PKDCC: variants seen among roughly 807,000 people sequenced by gnomAD.
The protein encoded by PKDCC is extracellular tyrosine-protein kinase PKDCC.
Under a neutral mutation model 44.7 loss-of-function variants are expected in PKDCC, and 35 were observed. The observed-to-expected ratio is 0.78, with a 90% CI of 0.60 to 1.04. The LOEUF is 1.04. Ranked by LOEUF, PKDCC falls within the 50% of genes least tolerant of loss-of-function variation. The pLI is 0.00. For synonymous variants in PKDCC, 353 were observed against 303.3 expected, an observed-to-expected ratio of 1.16 and a Z score of -1.70; for missense variants, 738 against 672.7, an observed-to-expected ratio of 1.10 and a Z score of -1.07.
Position 42,051,167 on chromosome 2 carries a change from G to T in PKDCC, c.640-2072G>T, listed in dbSNP as rs911765028. Among the ~76,000 whole-genome samples the T allele has an allele frequency of 6.6e-6, 1 of 152,046 alleles. No individual in the cohort carries two copies. The highest frequency in any genetic ancestry group is 1.5e-5 in the Non-Finnish European group (1 of 68,010). On this transcript the variant is annotated intron_variant, in intron 1 of 6. Coordinates refer to ENST00000294964, the MANE Select transcript of PKDCC (RefSeq NM_138370.3). This position sits in a 1 kb window ranked among gnomAD's most constrained non-coding sequence, Gnocchi z 4.2. ...CAGGCCCCATTCTGCACCTCCCAGG[G>T]CTTTCTCTGGTCATGGGGATTGCCT...
intron 1 of PKDCC, among the ~76,000 whole-genome samples, chr2:42,049,158 G>C (rs1445234663): frequency 6.6e-6 from 1 of 152,172 alleles, no homozygotes; most frequent in Admixed American, 6.5e-5. Context: ...GGAGTTAGGA[G>C]GTTGAACACC....
Position 42,058,458 on chromosome 2 carries a change from T to A in PKDCC, c.*770T>A, listed in dbSNP as rs1250787790. 6.6e-6 allele frequency: 1 copy of A among 152,462 alleles called. No individual in the cohort carries two copies. The highest frequency in any genetic ancestry group is 1.9e-4 in the East Asian group (1 of 5,202). 9.4% of individuals were successfully genotyped at this position (152,462 alleles called of 1,614,324 possible). A position where few individuals can be genotyped will look rare whatever the true frequency, so the allele number is the denominator to read the frequency against. ...TCTTTTGTACTTCTTGTTGGTTAAATTGTTTATTTTTGTAAAAAATAAAAT... is the reference window on the plus strand; with the variant it reads ...TCTTTTGTACTTCTTGTTGGTTAAAATGTTTATTTTTGTAAAAAATAAAAT... On this transcript the variant is annotated 3_prime_UTR_variant, in exon 7 of 7. Coordinates refer to ENST00000294964, the MANE Select transcript of PKDCC (RefSeq NM_138370.3). The surrounding 1 kb of genome is among the most constrained non-coding windows in gnomAD (Gnocchi z 4.2).
At position 42,048,481 on chromosome 2, in the gene PKDCC, G is replaced by A; in HGVS notation, c.282G>A (p.Gly94=). The A allele has an allele frequency of 9.6e-7, 1 of 1,038,752 alleles. No individual in the cohort carries two copies. The highest frequency in any genetic ancestry group is 1.2e-6 in the Non-Finnish European group (1 of 866,974). The allele number at this position is 1,038,752 out of a possible 1,614,324, so 64.3% of individuals were successfully genotyped here. Residue 94 remains glycine, a synonymous_variant, in exon 1 of 7, where the codon GGG becomes GGA. Coordinates refer to ENST00000294964, the MANE Select transcript of PKDCC (RefSeq NM_138370.3). This position sits in a 1 kb window ranked among gnomAD's most constrained non-coding sequence, Gnocchi z 6.2. ...RRRLMDLAPG[G]PGLPRPRPPW... ...GCCTGATGGACCTGGCTCCGGGCGG[G>A]CCCGGCCTGCCGCGCCCCCGGCCCC...
Position 42,048,556 on chromosome 2 carries a change from C to A in PKDCC, c.357C>A (p.Pro119=). The A allele has an allele frequency of 7.8e-7, 1 of 1,282,942 alleles. No individual in the cohort carries two copies. The highest frequency in any genetic ancestry group is 9.8e-7 in the Non-Finnish European group (1 of 1,023,092). 79.5% of individuals were successfully genotyped at this position (1,282,942 alleles called of 1,614,324 possible). A position where few individuals can be genotyped will look rare whatever the true frequency, so the allele number is the denominator to read the frequency against. Residue 119 remains proline, a synonymous_variant, in exon 1 of 7, where the codon CCC becomes CCA. Coordinates refer to ENST00000294964, the MANE Select transcript of PKDCC (RefSeq NM_138370.3). The surrounding 1 kb of genome is among the most constrained non-coding windows in gnomAD (Gnocchi z 6.2). ...SDGAPGWPPA[P]GPGSPGPGPR... ...GCGCCCCAGGCTGGCCCCCGGCTCCCGGCCCAGGCTCCCCCGGCCCGGGCC... is the reference window on the plus strand; with the variant it reads ...GCGCCCCAGGCTGGCCCCCGGCTCCAGGCCCAGGCTCCCCCGGCCCGGGCC...
chr2:42,052,796 G>A lies in PKDCC; in HGVS notation c.640-443G>A, dbSNP rs137970379. Among the ~76,000 whole-genome samples, 123 of 143,084 alleles carry A rather than the reference G, an allele frequency of 8.6e-4. No individual in the cohort carries two copies. The highest frequency in any genetic ancestry group is 3.2e-3 in the African/African-American group (122 of 38,094). 93.9% of individuals were successfully genotyped at this position (143,084 alleles called of 152,430 possible). On this transcript the variant is annotated intron_variant, in intron 1 of 6. Coordinates refer to ENST00000294964, the MANE Select transcript of PKDCC (RefSeq NM_138370.3). This position sits in a 1 kb window ranked among gnomAD's most constrained non-coding sequence, Gnocchi z 4.3. The stretch of plus-strand genomic sequence containing the variant: ...AATAAAAATAGGTTGTGGAATCCGA[G>A]TGGCACAAATTCACATCTTAGGCTC...
Position 42,054,122 on chromosome 2 carries a change from G to A in PKDCC, c.849G>A (p.Gln283=). The change falls in exon 3 of 7, where the codon CAG becomes CAA. Residue 283 remains glutamine (Q), a synonymous_variant. Transcript: ENST00000294964. The surrounding 1 kb of genome is among the most constrained non-coding windows in gnomAD (Gnocchi z 6.1). ...CTCTGCTGGACTTCCGCCCTCGGCA[G>A]TTTGTGCTGGTGGATGGGGAGCTCA... The part of the protein sequence containing the change: ...SVTLLDFRPR[Q]FVLVDGELKV... 6.2e-7 allele frequency: 1 copy of A among 1,613,420 alleles called. No individual in the cohort carries two copies. The highest frequency in any genetic ancestry group is 8.5e-7 in the Non-Finnish European group (1 of 1,179,852).
At position 42,055,480 on chromosome 2, in the gene PKDCC, C is replaced by A; in HGVS notation, c.1222+87C>A. On this transcript the variant is annotated intron_variant, in intron 5 of 6. Coordinates refer to ENST00000294964, the MANE Select transcript of PKDCC (RefSeq NM_138370.3). The surrounding 1 kb of genome is among the most constrained non-coding windows in gnomAD (Gnocchi z 4.5). ...GCCCAATTAGGCTAAGTGGCTCACC[C>A]TTTCTCTGGGGACCCTTGTCTCCAA... The A allele has an allele frequency of 1.6e-6, 2 of 1,214,832 alleles. No individual in the cohort carries two copies. Among genetic ancestry groups the A allele is most frequent in the South Asian group, 1.4e-5 (1 of 71,184 alleles). The allele number at this position is 1,214,832 out of a possible 1,614,324, so 75.3% of individuals were successfully genotyped here.
At position 42,054,631 on chromosome 2, in the gene PKDCC, G is replaced by T. The variant is rs765484644; in HGVS notation, c.1035-310G>T. 2.2e-5 allele frequency: 12 copies of T among 542,414 alleles called. No homozygotes were observed. The highest frequency in any genetic ancestry group is 3.9e-5 in the Non-Finnish European group (12 of 305,432). The allele number at this position is 542,414 out of a possible 1,614,324, so 33.6% of individuals were successfully genotyped here. A position where few individuals can be genotyped will look rare whatever the true frequency, so the allele number is the denominator to read the frequency against. ...TGTGCTCTGGGAAATTCCTCACTGG[G>T]CCCCAGCCATGGGGCTGCTCCGACA... On this transcript the variant is annotated intron_variant, in intron 3 of 6. Transcript: ENST00000294964. The surrounding 1 kb of genome is among the most constrained non-coding windows in gnomAD (Gnocchi z 6.1).
rs1034542422 is a variant in PKDCC at position 42,054,555 on chromosome 2, C to T, written c.1034+248C>T. 1.8e-5 allele frequency: 10 copies of T among 569,622 alleles called. No homozygotes were observed. Among genetic ancestry groups the T allele is most frequent in the Middle Eastern group, 4.6e-4 (1 of 2,186 alleles). 35.3% of individuals were successfully genotyped at this position (569,622 alleles called of 1,614,324 possible). On this transcript the variant is annotated intron_variant, in intron 3 of 6. Transcript: ENST00000294964. The surrounding 1 kb of genome is among the most constrained non-coding windows in gnomAD (Gnocchi z 6.1). Reference sequence around the variant, plus strand: ...AGGCTTCTTAAAATAGTGTTGGACTCGGAGCCTAGGGCTGGTGGAACTGGC... The same window carrying T: ...AGGCTTCTTAAAATAGTGTTGGACTTGGAGCCTAGGGCTGGTGGAACTGGC...
At chr2:42,053,791 G>T (rs1432277753) in intron 2 of PKDCC, among the ~76,000 whole-genome samples, 1 of 152,098 alleles carries the variant, frequency 6.6e-6, no homozygotes, top group Non-Finnish European at 1.5e-5. Flanking sequence ...CCAGACCCTC[G>T]CTGCTGCAGT....
chr2:42,053,389 G>A (rs988187574), intron 2 of PKDCC, 28 bp downstream of exon 2: 1 of 1,590,412 alleles, frequency 6.3e-7, no homozygotes, highest in East Asian at 2.2e-5. Flanking sequence ...CTCGGGCCCT[G>A]GGCTCCTTGC....
At position 42,054,573 on chromosome 2, in the gene PKDCC, G is replaced by A. The variant is rs960380390; in HGVS notation, c.1034+266G>A. On this transcript the variant is annotated intron_variant, in intron 3 of 6. Coordinates refer to ENST00000294964, the MANE Select transcript of PKDCC (RefSeq NM_138370.3). The surrounding 1 kb of genome is among the most constrained non-coding windows in gnomAD (Gnocchi z 6.1). ...TTGGACTCGGAGCCTAGGGCTGGTG[G>A]AACTGGCACTTTTCCCTTCCCACCC... 2 of 554,810 alleles carry A rather than the reference G, an allele frequency of 3.6e-6. No homozygotes were observed. Among genetic ancestry groups the A allele is most frequent in the Non-Finnish European group, 6.4e-6 (2 of 314,482 alleles). 34.4% of individuals were successfully genotyped at this position (554,810 alleles called of 1,614,324 possible). A position where few individuals can be genotyped will look rare whatever the true frequency, so the allele number is the denominator to read the frequency against.
At position 42,051,565 on chromosome 2, in the gene PKDCC, G is replaced by C. The variant is rs1009227749; in HGVS notation, c.640-1674G>C. On this transcript the variant is annotated intron_variant, in intron 1 of 6. Coordinates refer to ENST00000294964, the MANE Select transcript of PKDCC (RefSeq NM_138370.3). The surrounding 1 kb of genome is among the most constrained non-coding windows in gnomAD (Gnocchi z 4.2). ...GTTAACAGCGCATTTAACGACCTCCGGGTGTTTAATAACCTTCAGAAGTTT... is the reference window on the plus strand; with the variant it reads ...GTTAACAGCGCATTTAACGACCTCCCGGTGTTTAATAACCTTCAGAAGTTT... Among the ~76,000 whole-genome samples, 1 of 152,090 alleles carries C rather than the reference G, an allele frequency of 6.6e-6. No individual in the cohort carries two copies. Among genetic ancestry groups the C allele is most frequent in the Non-Finnish European group, 1.5e-5 (1 of 68,032 alleles).
At position 42,048,839 on chromosome 2, in the gene PKDCC, G is replaced by T. The variant is rs763243200; in HGVS notation, c.639+1G>T. The T allele has an allele frequency of 6.2e-6, 9 of 1,457,592 alleles. No homozygotes were observed. In the Admixed American group the frequency reaches 1.2e-4, roughly 20 times the overall value. The allele number at this position is 1,457,592 out of a possible 1,614,324, so 90.3% of individuals were successfully genotyped here. On this transcript the variant is annotated splice_donor_variant, in intron 1 of 6. Transcript: ENST00000294964. LOFTEE classifies it high-confidence loss of function. This position sits in a 1 kb window ranked among gnomAD's most constrained non-coding sequence, Gnocchi z 6.2. Reference sequence around the variant, plus strand: ...GCTGCGGCACCCCAACGTGCTGCAGGTACGAGGGTGGGGACGCGGGGGTAA... The same window carrying T: ...GCTGCGGCACCCCAACGTGCTGCAGTTACGAGGGTGGGGACGCGGGGGTAA...
chr2:42,057,739 G>A lies in PKDCC; in HGVS notation c.*51G>A, dbSNP rs750781129. 4 of 1,536,098 alleles carry A rather than the reference G, an allele frequency of 2.6e-6. No individual in the cohort carries two copies. Among genetic ancestry groups the A allele is most frequent in the Non-Finnish European group, 3.6e-6 (4 of 1,116,062 alleles). ...CTGACTATCCTCAGCAGCTGGGCTT[G>A]CCTGTGGAGGGAGTGACTTGCACTG... On this transcript the variant is annotated 3_prime_UTR_variant, in exon 7 of 7. Coordinates refer to ENST00000294964, the MANE Select transcript of PKDCC (RefSeq NM_138370.3).
rs891209253 is a variant in PKDCC, at chr2:42,051,793, C to T, written c.640-1446C>T. Among the ~76,000 whole-genome samples, 12 of 152,032 alleles carry T rather than the reference C, an allele frequency of 7.9e-5. No homozygotes were observed. Among genetic ancestry groups the T allele is most frequent in the African/African-American group, 2.9e-4 (12 of 41,374 alleles). On this transcript the variant is annotated intron_variant, in intron 1 of 6. Coordinates refer to ENST00000294964, the MANE Select transcript of PKDCC (RefSeq NM_138370.3). The surrounding 1 kb of genome is among the most constrained non-coding windows in gnomAD (Gnocchi z 4.2). The stretch of plus-strand genomic sequence containing the variant: ...GCCTTCCCCCATGCCAGCAGGATGA[C>T]GGGGAGCTGAGGGGGCACTCCTAGG...
At chr2:42,050,429 T>C (rs1386815250) in intron 1 of PKDCC, among the ~76,000 whole-genome samples, 5 of 152,178 alleles carry the variant, frequency 3.3e-5, no homozygotes, top group Non-Finnish European at 5.9e-5. Flanking sequence ...CCCTCTCCCT[T>C]CAGACGGGTT....
chr2:42,048,757 G>A lies in PKDCC; in HGVS notation c.558G>A (p.Arg186=), dbSNP rs1489223242. ...GSCVREFGVR[R]GCYRLAAHKL... is the part of the protein sequence containing the mutation. Reference sequence around the variant, plus strand: ...GCGTGCGCGAGTTCGGGGTACGGAGGGGCTGCTATCGGCTGGCGGCCCACA... The same window carrying A: ...GCGTGCGCGAGTTCGGGGTACGGAGAGGCTGCTATCGGCTGGCGGCCCACA... Residue 186 remains arginine (R), a synonymous_variant, in exon 1 of 7, where the codon AGG becomes AGA. Coordinates refer to ENST00000294964, the MANE Select transcript of PKDCC (RefSeq NM_138370.3). The surrounding 1 kb of genome is among the most constrained non-coding windows in gnomAD (Gnocchi z 6.2). 2.5e-6 allele frequency: 4 copies of A among 1,583,474 alleles called. No homozygotes were observed. The highest frequency in any genetic ancestry group is 1.1e-5 in the South Asian group (1 of 87,818).
intron 1 of PKDCC, among the ~76,000 whole-genome samples, chr2:42,049,455 C>G (rs72969022): frequency 0.051 from 7,684 of 152,094 alleles, 601 homozygotes; most frequent in African/African-American, 0.17. Flanking sequence ...CAGTCCTTCC[C>G]AGAAGTGAAC....
Sources: gnomAD v4.1 joint callset for allele counts (sites outside exome capture counted in the v4.1 genomes callset) on GRCh38, gnomAD v4.1.1 for gene constraint, Gnocchi (gnomAD v3.1) non-coding constraint, MANE v1.5 for transcripts, NCBI Gene and HGNC (gene_info 2026-07-23, HGNC 2026-07-21) for gene names.